The following GON4L variants were observed in gnomAD, a reference collection of about 807,000 sequenced individuals.
GON4L encodes GON-4-like protein.
Under a neutral mutation model 211.8 loss-of-function variants are expected in GON4L, and 87 were observed. The ratio of observed to expected loss-of-function variants is 0.41; its 90% CI spans 0.35 to 0.49. The LOEUF is 0.49. Among genes scored for constraint, GON4L ranks in the 20% least tolerant of loss-of-function variants. The pLI is 0.15. For synonymous variants in GON4L, 875 were observed against 962.6 expected, an observed-to-expected ratio of 0.91 and a Z score of 1.68; for missense variants, 2,155 against 2,659.5, an observed-to-expected ratio of 0.81 and a Z score of 4.17.
intron 11 of GON4L, among the ~76,000 whole-genome samples, chr1:155,798,736 A>G (rs1666340979): frequency 6.6e-6 from 1 of 151,946 alleles, no homozygotes; most frequent in South Asian, 2.1e-4. Flanking sequence ...GTTCTTAACA[A>G]ACATTGCTGA....
chr1:155,756,650 C>A, intron 27 of GON4L: 1 of 288,436 alleles, frequency 3.5e-6, no homozygotes, highest in Non-Finnish European at 6.7e-6. Flanking sequence ...TTAGGCCAGG[C>A]GTAGTGGCTC....
At chr1:155,846,531 A>G (rs956435167) in intron 2 of GON4L, 1 of 151,920 alleles carries the variant, frequency 6.6e-6, no homozygotes, top group Non-Finnish European at 1.5e-5. Context: ...ACCAAAAAAA[A>G]AAAAAAAGAT....
At chr1:155,804,243 C>T (rs1009831945) in intron 11 of GON4L, among the ~76,000 whole-genome samples, 2 of 151,928 alleles carry the variant, frequency 1.3e-5, no homozygotes, top group African/African-American at 4.8e-5. Context: ...CAAGGTGGTG[C>T]GTGCCTATAA....
intron 18 of GON4L, among the ~76,000 whole-genome samples, chr1:155,772,070 C>T (rs1381496007): frequency 1.3e-5 from 2 of 151,846 alleles, no homozygotes; most frequent in Non-Finnish European, 1.5e-5. Context: ...AGGAGAATCA[C>T]TTGAAACCGG....
chr1:155,783,789 T>C (rs1304587185), intron 14 of GON4L, among the ~76,000 whole-genome samples, 197 bp downstream of exon 14: 1 of 152,188 alleles, frequency 6.6e-6, no homozygotes, highest in Non-Finnish European at 1.5e-5. Context: ...CCCAAACGGA[T>C]ATAGCTTGGC....
intron 1 of GON4L, among the ~76,000 whole-genome samples, chr1:155,856,446 G>A (rs1394940530): frequency 6.7e-6 from 1 of 149,982 alleles, no homozygotes; most frequent in Non-Finnish European, 1.5e-5. Flanking sequence ...TTGTTACCCA[G>A]GCTGGTCTCA....
intron 11 of GON4L, among the ~76,000 whole-genome samples, chr1:155,797,718 T>C (rs1271917097): frequency 6.7e-6 from 1 of 148,694 alleles, no homozygotes; most frequent in African/African-American, 2.5e-5. Flanking sequence ...CCAAGAGTAA[T>C]GGTGCGTGCC....
At chr1:155,846,305 AAGGTC>A (rs1211734755) in intron 2 of GON4L, 1 of 156,176 alleles carries the variant, frequency 6.4e-6, no homozygotes, top group Non-Finnish European at 1.4e-5. Flanking sequence ...GGCGGATCAC[AAGGTC>A]AGGAGATCGA....
Position 155,765,803 on chromosome 1 carries a change from T to C in GON4L, c.3670A>G (p.Lys1224Glu), listed in dbSNP as rs1327046205. Residue 1224 changes from lysine (K) to glutamate (E), a missense_variant, in exon 21 of 32, where the codon AAG becomes GAG. By Grantham distance (56) the Lys-to-Glu change is moderately conservative. This residue lies in a region of GON4L where 615 missense variants were observed against 625.7 expected (regional missense o/e 0.98). Coordinates refer to ENST00000368331, the MANE Select transcript of GON4L (RefSeq NM_001282860.2). ...NLPIPSTPED[K>E]AHVNVDIACA... ...GCAATGTCCACATTCACGTGGGCCT[T>C]ATCTTCAGGGGTGGATGGTATAGGA... 1 of 1,614,184 alleles carries C rather than the reference T, an allele frequency of 6.2e-7. No homozygotes were observed. The highest frequency in any genetic ancestry group is 1.6e-4 in the Middle Eastern group (1 of 6,062).
In GON4L at chr1:155,773,061, C is replaced by A. The variant is rs748432281; in HGVS notation, c.2495+5G>T. On this transcript the variant is annotated splice_donor_5th_base_variant and intron_variant, in intron 18 of 31. Coordinates refer to ENST00000368331, the MANE Select transcript of GON4L (RefSeq NM_001282860.2). ...CTGTTTTGATCCCCCAGAGTAAACA[C>A]TTACTTGTCCTCAGCCTTGGTGAAG... 1 of 1,611,934 alleles carries A rather than the reference C, an allele frequency of 6.2e-7. No individual in the cohort carries two copies. The highest frequency in any genetic ancestry group is 2.2e-5 in the East Asian group (1 of 44,862).
chr1:155,802,930 T>A (rs1666809616), intron 11 of GON4L, among the ~76,000 whole-genome samples: 1 of 152,188 alleles, frequency 6.6e-6, no homozygotes, highest in Non-Finnish European at 1.5e-5. Flanking sequence ...CACTCCAGCC[T>A]GGGTGACAGA....
At position 155,777,602 on chromosome 1, in the gene GON4L, A is replaced by G. The variant is rs1336671492; in HGVS notation, c.2091+20T>C. On this transcript the variant is annotated intron_variant, in intron 15 of 31. Transcript: ENST00000368331. ...TCAAAAAAAAAAATCCAATGTTAAC[A>G]TGACCAAGAAAAGTCCTACCTGCTG... 2 of 1,593,092 alleles carry G rather than the reference A, an allele frequency of 1.3e-6. No individual in the cohort carries two copies. The highest frequency in any genetic ancestry group is 1.7e-6 in the Non-Finnish European group (2 of 1,161,032).
At chr1:155,811,754 CA>C (rs145360103) in intron 10 of GON4L, among the ~76,000 whole-genome samples, 804 of 32,986 alleles carry the variant, frequency 0.024, 4 homozygotes, top group African/African-American at 0.11. Flanking sequence ...GACTCTGTCT[CA>C]AAAAAAAAAA....
intron 8 of GON4L, among the ~76,000 whole-genome samples, chr1:155,814,732 C>CGA (rs1668091482): frequency 7.0e-6 from 1 of 143,600 alleles, no homozygotes. Context: ...GGTGGCAGAG[C>CGA]GAGACTCTGT....
At chr1:155,762,644 T>C (rs1442165262) in intron 22 of GON4L, among the ~76,000 whole-genome samples, 3 of 152,330 alleles carry the variant, frequency 2.0e-5, no homozygotes, top group Non-Finnish European at 1.5e-5. Context: ...GCTTCTGTAG[T>C]GCTTTTGAGA....
intron 2 of GON4L, among the ~76,000 whole-genome samples, chr1:155,850,387 C>T (rs565549983): frequency 6.6e-6 from 1 of 152,230 alleles, no homozygotes; most frequent in African/African-American, 2.4e-5. Context: ...ACAGGTGTCC[C>T]AAAAGCAATA....
intron 11 of GON4L, among the ~76,000 whole-genome samples, chr1:155,801,651 G>A (rs1000768243): frequency 4.6e-5 from 7 of 151,960 alleles, no homozygotes; most frequent in Non-Finnish European, 7.4e-5. Context: ...GGGAGGCCAA[G>A]GAGGGTGGAT....
chr1:155,762,178 GC>G lies in GON4L; in HGVS notation c.4911+11del. 6.3e-7 allele frequency: 1 copy of G among 1,593,346 alleles called. No individual in the cohort carries two copies. Among genetic ancestry groups the G allele is most frequent in the African/African-American group, 1.3e-5 (1 of 74,734 alleles). ...TAGAGACTGGCAATAACAGGAAGCA[GC>G]ATTTGCCTACCCTGGTCAGATAAGC... On this transcript the variant is annotated intron_variant, in intron 23 of 31. Coordinates refer to ENST00000368331, the MANE Select transcript of GON4L (RefSeq NM_001282860.2).
intron 2 of GON4L, chr1:155,831,481 AT>A (rs2102340034): frequency 6.6e-6 from 1 of 150,802 alleles, no homozygotes; most frequent in South Asian, 2.1e-4. Flanking sequence ...AAATAAATAA[AT>A]AAATAAATAA....
Sources: allele counts gnomAD v4.1 joint callset (sites outside exome capture counted in the v4.1 genomes callset), GRCh38; gene constraint gnomAD v4.1.1; regional missense constraint gnomAD v4.1.1; transcripts MANE v1.5; gene names NCBI Gene and HGNC (gene_info 2026-07-23, HGNC 2026-07-21).